Variants in SMURF2 observed in about 807,000 individuals in gnomAD.
SMURF2 encodes E3 ubiquitin-protein ligase SMURF2.
Under a neutral mutation model 109.6 loss-of-function variants are expected in SMURF2, and 48 were observed. The observed-to-expected ratio is 0.44, with a 90% CI of 0.35 to 0.56. SMURF2 has a LOEUF of 0.56. Among genes scored for constraint, SMURF2 ranks in the 20% least tolerant of loss-of-function variants. The probability of loss-of-function intolerance (pLI) is 0.01; values close to 1 mark genes in which losing one functional copy is unlikely to be tolerated. For synonymous variants in SMURF2, 288 were observed against 317.1 expected, an observed-to-expected ratio of 0.91 and a Z score of 0.97; for missense variants, 575 against 909.0, an observed-to-expected ratio of 0.63 and a Z score of 4.72.
chr17:64,638,753 G>A (rs1970455414), intron 1 of SMURF2, among the ~76,000 whole-genome samples: 1 of 152,124 alleles, frequency 6.6e-6, no homozygotes, highest in African/African-American at 2.4e-5. Context: ...ACAACCTCTA[G>A]CTATGCACGT....
In SMURF2 at chr17:64,571,854, G is replaced by A; in HGVS notation, c.960C>T (p.Asn320=). ...TGRVYFVDHN[N]RTTQFTDPRL... ...GAGGATCTGTAAATTGTGTTGTTCT[G>A]TTGTTATGGTCAACGAAATAAACTC... Residue 320 remains asparagine (N), a synonymous_variant, in exon 10 of 19, where the codon AAC becomes AAT. Transcript: ENST00000262435. The A allele has an allele frequency of 1.2e-6, 2 of 1,613,680 alleles. No homozygotes were observed. The highest frequency in any genetic ancestry group is 1.7e-6 in the Non-Finnish European group (2 of 1,179,820).
chr17:64,650,148 A>C (rs1970616191), intron 1 of SMURF2, among the ~76,000 whole-genome samples: 1 of 152,078 alleles, frequency 6.6e-6, no homozygotes, highest in Non-Finnish European at 1.5e-5. Flanking sequence ...TTACACCTTG[A>C]ACAGTATCTT....
chr17:64,556,001 G>A lies in SMURF2; in HGVS notation c.1432-3C>T, dbSNP rs782689521. 6 of 1,605,430 alleles carry A rather than the reference G, an allele frequency of 3.7e-6. No homozygotes were observed. In the South Asian group the frequency reaches 6.7e-5, roughly 18 times the overall value. ...AAGTGGAAATAGGATAAATGTTCCTGAAATTGAAAACAGTATATATACTCG... is the reference window on the plus strand; with the variant it reads ...AAGTGGAAATAGGATAAATGTTCCTAAAATTGAAAACAGTATATATACTCG... On this transcript the variant is annotated splice_region_variant and splice_polypyrimidine_tract_variant and intron_variant, in intron 13 of 18. Transcript: ENST00000262435.
rs188970349 is a variant in SMURF2, at chr17:64,559,546, T to C, written c.1317-1824A>G. On this transcript the variant is annotated intron_variant, in intron 12 of 18. Transcript: ENST00000262435. ...AGGCAGAGGTTGCAGGGAGCCGAGA[T>C]TGCGCCACTGCACTCCAGCCTGGCG... is the stretch of plus-strand genomic sequence containing the variant. 4.6e-3 allele frequency among the ~76,000 whole-genome samples: 703 copies of C among 151,516 alleles called. 1 individual carries two copies. Among genetic ancestry groups the C allele is most frequent in the African/African-American group, 0.011 (466 of 41,358 alleles).
At chr17:64,579,383 T>C (rs1405020593) in intron 8 of SMURF2, among the ~76,000 whole-genome samples, 1 of 152,128 alleles carries the variant, frequency 6.6e-6, no homozygotes, top group Non-Finnish European at 1.5e-5. Context: ...TTTATTAGTA[T>C]AAATCTAATT....
At chr17:64,596,573 C>A (rs1555688114) in intron 3 of SMURF2, among the ~76,000 whole-genome samples, 3 of 63,692 alleles carry the variant, frequency 4.7e-5, no homozygotes, top group African/African-American at 1.2e-4. Flanking sequence ...TTCACCGAAA[C>A]AGGAGAGTAA....
chr17:64,596,517 C>T (rs1164054106), intron 3 of SMURF2, among the ~76,000 whole-genome samples: 2 of 143,912 alleles, frequency 1.4e-5, no homozygotes, highest in African/African-American at 5.1e-5. Flanking sequence ...TCTCAACTTT[C>T]TTCCCATCTT....
At chr17:64,628,557 C>T (rs537384117) in intron 1 of SMURF2, among the ~76,000 whole-genome samples, 4 of 152,080 alleles carry the variant, frequency 2.6e-5, no homozygotes, top group East Asian at 1.9e-4. Flanking sequence ...TCTAAATTAC[C>T]GCGGCCACTT....
At chr17:64,651,965 C>A (rs1401631750) in intron 1 of SMURF2, among the ~76,000 whole-genome samples, 1 of 152,184 alleles carries the variant, frequency 6.6e-6, no homozygotes, top group Non-Finnish European at 1.5e-5. Context: ...CCAACCCACA[C>A]TTAACACACC....
intron 1 of SMURF2, among the ~76,000 whole-genome samples, chr17:64,651,073 T>C (rs868959126): frequency 7.2e-5 from 11 of 152,034 alleles, no homozygotes; most frequent in African/African-American, 2.4e-4. Flanking sequence ...GGCGGGTGCC[T>C]GTAATCCCAG....
chr17:64,612,425 T>G (rs1264625447), intron 1 of SMURF2, among the ~76,000 whole-genome samples: 1 of 151,666 alleles, frequency 6.6e-6, no homozygotes, highest in Non-Finnish European at 1.5e-5. Flanking sequence ...TCCAGCACTT[T>G]GGGAGGCCAA....
chr17:64,564,534 G>A (rs1364998663), intron 10 of SMURF2, among the ~76,000 whole-genome samples: 1 of 152,150 alleles, frequency 6.6e-6, no homozygotes, highest in Non-Finnish European at 1.5e-5. Flanking sequence ...TAAAATTAAG[G>A]TGAGGTAAGA....
chr17:64,571,013 G>T (rs1208064658), intron 10 of SMURF2, among the ~76,000 whole-genome samples: 1 of 152,014 alleles, frequency 6.6e-6, no homozygotes, highest in Non-Finnish European at 1.5e-5. Context: ...GAACTCCTAG[G>T]CTCAAGTGAT....
intron 1 of SMURF2, among the ~76,000 whole-genome samples, chr17:64,650,204 C>CT (rs34557504): frequency 0.24 from 32,188 of 132,472 alleles, 7,658 homozygotes; most frequent in African/African-American, 0.61. Context: ...TAAGACTTGC[C>CT]TTTTTTTTTT....
chr17:64,544,524 C>T lies in SMURF2; in HGVS notation c.*1324G>A, dbSNP rs1392998813. On this transcript the variant is annotated 3_prime_UTR_variant, in exon 19 of 19. Coordinates refer to ENST00000262435, the MANE Select transcript of SMURF2 (RefSeq NM_022739.4). ...GATTTCAGATTTTTTCAATCCCTCA[C>T]CCCAGAGTTTTCGTTGCTTCTGGAT... 3 of 152,154 alleles carry T rather than the reference C, an allele frequency of 2.0e-5. No individual in the cohort carries two copies. Among genetic ancestry groups the T allele is most frequent in the African/African-American group, 7.2e-5 (3 of 41,434 alleles). The allele number at this position is 152,154 out of a possible 1,614,324, so 9.4% of individuals were successfully genotyped here.
chr17:64,594,767 A>T (rs2144658140), intron 3 of SMURF2, among the ~76,000 whole-genome samples: 1 of 152,246 alleles, frequency 6.6e-6, no homozygotes, highest in South Asian at 2.1e-4. Flanking sequence ...CAGGCAGATC[A>T]CCAGAGGACA....
Position 64,571,944 on chromosome 17 carries a change from G to A in SMURF2, c.870C>T (p.Asn290=). ...ATGGACCAAGCTCTTCACAATTGAT[G>A]TTGCTAAGATCCCTGCAAAAACAAA... is the stretch of plus-strand genomic sequence containing the variant. The part of the protein sequence containing the change: ...HDPRVPRDLS[N]INCEELGPLP... The change falls in exon 10 of 19, where the codon AAC becomes AAT. Residue 290 remains asparagine (N), a synonymous_variant. Transcript: ENST00000262435. 1.2e-6 allele frequency: 2 copies of A among 1,611,882 alleles called. No homozygotes were observed. Among genetic ancestry groups the A allele is most frequent in the Non-Finnish European group, 1.7e-6 (2 of 1,179,200 alleles).
chr17:64,661,817 G>GC lies in SMURF2; in HGVS notation c.52+11dup, dbSNP rs970746673. 1.4e-5 allele frequency: 17 copies of GC among 1,216,914 alleles called. No individual in the cohort carries two copies. In the East Asian group the frequency reaches 1.6e-4, roughly 12 times the overall value. 75.4% of individuals were successfully genotyped at this position (1,216,914 alleles called of 1,614,324 possible). On this transcript the variant is annotated intron_variant, in intron 1 of 18. Coordinates refer to ENST00000262435, the MANE Select transcript of SMURF2 (RefSeq NM_022739.4). The stretch of plus-strand genomic sequence containing the variant: ...CCGCGGCTGCCCAGCCCGGCCCGCC[G>GC]CCCCCCCTCACCTGTCAGGCGCAGC...
In SMURF2 at chr17:64,662,044, G is replaced by A; in HGVS notation, c.-164C>T. On this transcript the variant is annotated 5_prime_UTR_variant, in exon 1 of 19. Transcript: ENST00000262435. Reference sequence around the variant, plus strand: ...CCGAGAGTCGTCGCCATGAGCCGCGGAGGGAGCGGGACGCCGAGCTCCCCC... The same window carrying A: ...CCGAGAGTCGTCGCCATGAGCCGCGAAGGGAGCGGGACGCCGAGCTCCCCC... 1 of 1,114,458 alleles carries A rather than the reference G, an allele frequency of 9.0e-7. No individual in the cohort carries two copies. The highest frequency in any genetic ancestry group is 1.1e-6 in the Non-Finnish European group (1 of 912,968). 69.0% of individuals were successfully genotyped at this position (1,114,458 alleles called of 1,614,324 possible).
Sources: gnomAD v4.1 joint callset for allele counts (sites outside exome capture counted in the v4.1 genomes callset) on GRCh38, gnomAD v4.1.1 for gene constraint, MANE v1.5 for transcripts, NCBI Gene and HGNC (gene_info 2026-07-23, HGNC 2026-07-21) for gene names.